ZNF14: variants seen among roughly 807,000 people sequenced by gnomAD.
The protein encoded by ZNF14 is zinc finger protein 14, also known as gonadotropin inducible transcription repressor-4.
ZNF14 carries 9 observed loss-of-function variants against 11.3 expected under a neutral mutation model. The ratio of observed to expected loss-of-function variants is 0.80; its 90% CI spans 0.48 to 1.39. The LOEUF (loss-of-function observed/expected upper bound fraction) is 1.39, where lower values mean the gene tolerates loss of function less well. Ranked by LOEUF, ZNF14 falls within the 40% of genes most tolerant of loss-of-function variation. The probability of loss-of-function intolerance (pLI) is 0.00; values close to 1 mark genes in which losing one functional copy is unlikely to be tolerated. For missense variants in ZNF14, 711 were observed against 763.9 expected, an observed-to-expected ratio of 0.93 and a Z score of 0.82; for synonymous variants, 239 against 245.7, an observed-to-expected ratio of 0.97 and a Z score of 0.25.
intron 1 of ZNF14, among the ~76,000 whole-genome samples, chr19:19,719,866 A>C (rs550696782): frequency 6.6e-6 from 1 of 152,392 alleles, no homozygotes; most frequent in South Asian, 2.1e-4. Context: ...AGTTATAGAT[A>C]CATTAAAAAT....
rs1329427689 is a variant in ZNF14, at chr19:19,713,240, G to GGAA, written c.192-154_192-152dup. The GGAA allele has an allele frequency of 6.9e-6, 5 of 729,512 alleles. No homozygotes were observed. In the African/African-American group the frequency reaches 9.0e-5, roughly 13 times the overall value. 45.2% of individuals were successfully genotyped at this position (729,512 alleles called of 1,614,324 possible). A position where few individuals can be genotyped will look rare whatever the true frequency, so the allele number is the denominator to read the frequency against. The stretch of plus-strand genomic sequence containing the variant: ...TTAAAGTTAATATATTCAATGCTCT[G>GGAA]GAAGAAGACTCAACCATAGTTATGA... On this transcript the variant is annotated intron_variant, in intron 3 of 3. Coordinates refer to ENST00000344099, the MANE Select transcript of ZNF14 (RefSeq NM_021030.3).
chr19:19,733,015 G>T lies in ZNF14; in HGVS notation c.-57C>A. 1 of 1,602,530 alleles carries T rather than the reference G, an allele frequency of 6.2e-7. No homozygotes were observed. The highest frequency in any genetic ancestry group is 1.7e-5 in the Admixed American group (1 of 58,328). The stretch of plus-strand genomic sequence containing the variant: ...CCTACGGATCTGTCAGTACCTGCAG[G>T]TCACGGCGCGACAAAGGATGCGCTA... On this transcript the variant is annotated 5_prime_UTR_variant, in exon 1 of 4. Transcript: ENST00000344099.
rs1463869781 is a variant in ZNF14, at chr19:19,727,746, T to C, written c.3+5210A>G. The stretch of plus-strand genomic sequence containing the variant: ...CACACATCCAATCAATGCATCTTTA[T>C]AGACGCTTGGCATGTATTCCCAAAC... On this transcript the variant is annotated intron_variant, in intron 1 of 3. Coordinates refer to ENST00000344099, the MANE Select transcript of ZNF14 (RefSeq NM_021030.3). 2.2e-5 allele frequency among the ~76,000 whole-genome samples: 3 copies of C among 134,242 alleles called. 1 individual carries two copies. The highest frequency in any genetic ancestry group is 8.3e-5 in the African/African-American group (3 of 36,330). 88.1% of individuals were successfully genotyped at this position (134,242 alleles called of 152,430 possible).
intron 1 of ZNF14, among the ~76,000 whole-genome samples, chr19:19,729,409 G>A (rs1407231261): frequency 6.7e-6 from 1 of 148,404 alleles, no homozygotes; most frequent in Non-Finnish European, 1.5e-5. Context: ...TCAGCCTCCT[G>A]GGTTCAAGCA....
chr19:19,723,115 T>C (rs980863899), intron 1 of ZNF14, among the ~76,000 whole-genome samples: 1 of 152,204 alleles, frequency 6.6e-6, no homozygotes, highest in African/African-American at 2.4e-5. Context: ...CAACACTATA[T>C]TGAATAGGAG....
At chr19:19,724,048 A>AT (rs1417365882) in intron 1 of ZNF14, among the ~76,000 whole-genome samples, 2 of 132,502 alleles carry the variant, frequency 1.5e-5, no homozygotes, top group African/African-American at 5.6e-5. Context: ...GGATTCATTG[A>AT]TTTTTTGAAG....
rs974318146 is a variant in ZNF14 at position 19,732,759 on chromosome 19, C to T, written c.3+197G>A. Among the ~76,000 whole-genome samples the T allele has an allele frequency of 1.1e-4, 17 of 152,330 alleles. No homozygotes were observed. The East Asian group carries it at 3.3e-3, about 29-fold the overall frequency. ...GCTCCAGGACCGGGGGCCGAGGTCG[C>T]CCCGCGGGGACGGGACAGGACGCTG... On this transcript the variant is annotated intron_variant, in intron 1 of 3. Transcript: ENST00000344099.
In ZNF14 at chr19:19,733,001, G is replaced by A. The variant is rs769218165; in HGVS notation, c.-43C>T. 7 of 1,610,868 alleles carry A rather than the reference G, an allele frequency of 4.3e-6. No homozygotes were observed. The South Asian group carries it at 7.7e-5, about 18-fold the overall frequency. On this transcript the variant is annotated 5_prime_UTR_variant, in exon 1 of 4. Transcript: ENST00000344099. ...GTCACGGTGTCCTCCCTACGGATCT[G>A]TCAGTACCTGCAGGTCACGGCGCGA...
In ZNF14 at chr19:19,712,455, C is replaced by G; in HGVS notation, c.826G>C (p.Glu276Gln). 1 of 1,559,164 alleles carries G rather than the reference C, an allele frequency of 6.4e-7. No individual in the cohort carries two copies. The highest frequency in any genetic ancestry group is 8.8e-7 in the Non-Finnish European group (1 of 1,142,570). Residue 276 changes from glutamate (E) to glutamine (Q), a missense_variant, in exon 4 of 4, where the codon GAA (glutamate) becomes CAA (glutamine). Transcript: ENST00000344099. ...FRTHERTHTG[E>Q]KPYKCKECGK... ...CATTCTTTACATTTGTAGGGTTTTT[C>G]TCCAGTGTGAGTTCTTTCATGAGTT...
In ZNF14 at chr19:19,711,905, G is replaced by A. The variant is rs1355539627; in HGVS notation, c.1376C>T (p.Ser459Leu). 6.2e-7 allele frequency: 1 copy of A among 1,613,794 alleles called. No individual in the cohort carries two copies. Among genetic ancestry groups the A allele is most frequent in the Non-Finnish European group, 8.5e-7 (1 of 1,179,872 alleles). The change falls in exon 4 of 4, where the codon TCA becomes TTA. Residue 459 changes from serine (S) to leucine (L), a missense_variant. Coordinates refer to ENST00000344099, the MANE Select transcript of ZNF14 (RefSeq NM_021030.3). ...CKQCGKAFRCSSYFRIHERSH... is the reference protein window; with the variant it reads ...CKQCGKAFRCLSYFRIHERSH... ...CCTTTCATGAATTCGAAAATAACTT[G>A]AACACCTGAAGGCTTTCCCACACTG...
intron 1 of ZNF14, among the ~76,000 whole-genome samples, chr19:19,731,444 T>C (rs2062422992): frequency 6.6e-6 from 1 of 151,786 alleles, no homozygotes; most frequent in Admixed American, 6.6e-5. Flanking sequence ...GGTGTGGTGG[T>C]GGGTGCCTGT....
chr19:19,716,117 G>A (rs1407514889), intron 1 of ZNF14, among the ~76,000 whole-genome samples: 1 of 152,086 alleles, frequency 6.6e-6, no homozygotes, highest in Non-Finnish European at 1.5e-5. Context: ...CTGGCTAGGG[G>A]TTTTCACTGA....
Position 19,711,620 on chromosome 19 carries a change from G to T in ZNF14, c.1661C>A (p.Thr554Asn), listed in dbSNP as rs1488064891. ...SQIRLHERTHTGEKPYQCKQC... is the reference protein window; with the variant it reads ...SQIRLHERTHNGEKPYQCKQC... ...TTTACATTGATACGGTTTCTCTCCA[G>T]TGTGAGTCCTTTCATGCAATCGAAT... is the stretch of plus-strand genomic sequence containing the variant. The change falls in exon 4 of 4, where the codon ACT becomes AAT. Residue 554 changes from threonine to asparagine, a missense_variant. Thr to Asn is a moderately conservative substitution (Grantham distance 65). Transcript: ENST00000344099. 6.2e-7 allele frequency: 1 copy of T among 1,614,112 alleles called. No homozygotes were observed. Among genetic ancestry groups the T allele is most frequent in the South Asian group, 1.1e-5 (1 of 91,078 alleles).
Position 19,711,390 on chromosome 19 carries a change from G to A in ZNF14, c.1891C>T (p.Arg631Ter), listed in dbSNP as rs768021633. 3.5e-5 allele frequency: 56 copies of A among 1,586,032 alleles called. No individual in the cohort carries two copies. Among genetic ancestry groups the A allele is most frequent in the Non-Finnish European group, 4.4e-5 (51 of 1,168,436 alleles). The change falls in exon 4 of 4, where the codon CGA becomes TGA. Residue 631 changes from arginine to a stop codon, truncating the protein, a stop_gained. Transcript: ENST00000344099. LOFTEE classifies it low-confidence loss of function (END_TRUNC). ...CCCATATGAGTCCTTTCATGCAGTC[G>A]AAAGTGACTGGAAGAAATGAAGGCT... ...GKAFISSSHF[R>*]LHERTHMGEK...
In ZNF14 at chr19:19,714,367, A is replaced by T. The variant is rs776160962; in HGVS notation, c.124T>A (p.Cys42Ser). 12 of 1,614,004 alleles carry T rather than the reference A, an allele frequency of 7.4e-6. No individual in the cohort carries two copies. Among genetic ancestry groups the T allele is most frequent in the Non-Finnish European group, 1.0e-5 (12 of 1,180,008 alleles). ...GAAATGTTGATATCCTTACCTAGAC[A>T]AACCAGGTTTTTGAAGGTCTCCTGC... is the stretch of plus-strand genomic sequence containing the variant. ...VMQETFKNLV[C>S]LGKKWEDQDI... Residue 42 changes from cysteine to serine, a missense_variant, in exon 2 of 4, where the codon TGT (cysteine) becomes AGT (serine). Physicochemically the swap from Cys to Ser is moderately radical, Grantham distance 112. Transcript: ENST00000344099.
chr19:19,715,779 T>A (rs2062376285), intron 1 of ZNF14, among the ~76,000 whole-genome samples: 1 of 152,230 alleles, frequency 6.6e-6, no homozygotes, highest in Non-Finnish European at 1.5e-5. Flanking sequence ...CAGGGGGAAC[T>A]GGTTTTTCTT....
chr19:19,723,500 A>T (rs986067624), intron 1 of ZNF14, among the ~76,000 whole-genome samples: 1 of 152,000 alleles, frequency 6.6e-6, no homozygotes, highest in Non-Finnish European at 1.5e-5. Flanking sequence ...TTTATTTAGG[A>T]TTTTTGATTC....
rs2062361821 is a variant in ZNF14 at position 19,711,917 on chromosome 19, G to A, written c.1364C>T (p.Ala455Val). 2 of 1,613,914 alleles carry A rather than the reference G, an allele frequency of 1.2e-6. No homozygotes were observed. Among genetic ancestry groups the A allele is most frequent in the Non-Finnish European group, 1.7e-6 (2 of 1,179,940 alleles). Reference protein sequence around the residue: ...KPYECKQCGKAFRCSSYFRIH... With the variant: ...KPYECKQCGKVFRCSSYFRIH... ...TCGAAAATAACTTGAACACCTGAAG[G>A]CTTTCCCACACTGTTTACATTCATA... Residue 455 changes from alanine to valine, a missense_variant, in exon 4 of 4, where the codon GCC becomes GTC. Transcript: ENST00000344099.
At position 19,726,480 on chromosome 19, in the gene ZNF14, G is replaced by A. The variant is rs530831689; in HGVS notation, c.3+6476C>T. On this transcript the variant is annotated intron_variant, in intron 1 of 3. Transcript: ENST00000344099. Reference sequence around the variant, plus strand: ...TCAGAGGGGCACCCGGCTGTATGAGGTGTCAGTTGGCCCCTATTGGGAGGT... The same window carrying A: ...TCAGAGGGGCACCCGGCTGTATGAGATGTCAGTTGGCCCCTATTGGGAGGT... 3.7e-5 allele frequency among the ~76,000 whole-genome samples: 5 copies of A among 134,012 alleles called. 1 individual carries two copies. Among genetic ancestry groups the A allele is most frequent in the African/African-American group, 1.4e-4 (5 of 36,316 alleles). 87.9% of individuals were successfully genotyped at this position (134,012 alleles called of 152,430 possible). A position where few individuals can be genotyped will look rare whatever the true frequency, so the allele number is the denominator to read the frequency against.
Sources: gnomAD v4.1 joint callset for allele counts (sites outside exome capture counted in the v4.1 genomes callset) on GRCh38, gnomAD v4.1.1 for gene constraint, MANE v1.5 for transcripts, NCBI Gene and HGNC (gene_info 2026-07-23, HGNC 2026-07-21) for gene names.